SEMA4F: variants seen among roughly 807,000 people sequenced by gnomAD.
SEMA4F encodes the protein ssemaphorin 4F.
Under a neutral mutation model 78.4 loss-of-function variants are expected in SEMA4F, and 51 were observed. The ratio of observed to expected loss-of-function variants is 0.65; its 90% CI spans 0.52 to 0.82. SEMA4F has a LOEUF of 0.82. Ranked by LOEUF, SEMA4F falls within the 40% of genes least tolerant of loss-of-function variation. The pLI is 0.00. For synonymous variants in SEMA4F, 418 were observed against 408.7 expected (o/e 1.02, Z -0.27); for missense variants, 938 against 1,014.4 (o/e 0.92, Z 1.02).
At chr2:74,662,625 G>A (rs1207917919) in intron 4 of SEMA4F, 107 bp from the exon 5 acceptor site, 1 of 881,126 alleles carries the variant, frequency 1.1e-6, no homozygotes, top group African/African-American at 1.6e-5. Context: ...GGAGTGGAAG[G>A]GGAGAGGAAT....
In SEMA4F at chr2:74,668,832, G is replaced by A. The variant is rs957212875; in HGVS notation, c.551-4625G>A. On this transcript the variant is annotated intron_variant, in intron 5 of 13. Coordinates refer to ENST00000357877, the MANE Select transcript of SEMA4F (RefSeq NM_004263.5). ...TTTAGCAGAGACGGGGTTTTGCCTT[G>A]TTGGCCAGGCTGGTCTTGAACTCCT... Among the ~76,000 whole-genome samples, 3 of 146,644 alleles carry A rather than the reference G, an allele frequency of 2.0e-5. No homozygotes were observed. In the East Asian group the frequency reaches 6.0e-4, roughly 30 times the overall value.
chr2:74,662,912 A>T, intron 5 of SEMA4F, 87 bp downstream of exon 5: 1 of 1,154,304 alleles, frequency 8.7e-7, no homozygotes, highest in Non-Finnish European at 1.3e-6. Context: ...GTTCTTTCTT[A>T]CCTTGGAATG....
chr2:74,673,342 TG>T, intron 5 of SEMA4F, 114 bp from the exon 6 acceptor site: 1 of 1,260,116 alleles, frequency 7.9e-7, no homozygotes, highest in South Asian at 1.4e-5. Context: ...CTGGCACTCA[TG>T]GGTGTTTAGT....
the SEMA4F span, among the ~76,000 whole-genome samples, chr2:74,709,236 C>A: frequency 2.6e-5 from 4 of 152,174 alleles, no homozygotes; most frequent in Non-Finnish European, 5.9e-5. Flanking sequence ...AGAGAAATGA[C>A]ACCTTGCACA....
chr2:74,688,303 T>C (rs1685859509), downstream of SEMA4F, among the ~76,000 whole-genome samples: 1 of 152,208 alleles, frequency 6.6e-6, no homozygotes. Flanking sequence ...CCTTCACTCA[T>C]TGTTCATTTC....
chr2:74,674,926 C>T lies in SEMA4F; in HGVS notation c.1040C>T (p.Pro347Leu), dbSNP rs746103016. 7.4e-6 allele frequency: 12 copies of T among 1,613,894 alleles called. No individual in the cohort carries two copies. Among genetic ancestry groups the T allele is most frequent in the Non-Finnish European group, 1.0e-5 (12 of 1,180,022 alleles). The stretch of plus-strand genomic sequence containing the variant: ...ATCTCTGCTGTCTGTGCCTTCCGAC[C>T]ACAAGACATTCGGACAGTGCTGAAT... Reference protein sequence around the residue: ...ATISAVCAFRPQDIRTVLNGP... With the variant: ...ATISAVCAFRLQDIRTVLNGP... Residue 347 changes from proline to leucine, a missense_variant, in exon 9 of 14, where the codon CCA (proline) becomes CTA (leucine). Coordinates refer to ENST00000357877, the MANE Select transcript of SEMA4F (RefSeq NM_004263.5).
chr2:74,654,289 G>T lies in SEMA4F; in HGVS notation c.-88G>T, dbSNP rs1183477536. 3.8e-5 allele frequency: 51 copies of T among 1,347,450 alleles called. No individual in the cohort carries two copies. The highest frequency in any genetic ancestry group is 4.9e-5 in the Non-Finnish European group (51 of 1,050,352). 83.5% of individuals were successfully genotyped at this position (1,347,450 alleles called of 1,614,324 possible). On this transcript the variant is annotated 5_prime_UTR_variant, in exon 1 of 14. In the 5' UTR this introduces an upstream ATG that the reference lacks. Coordinates refer to ENST00000357877, the MANE Select transcript of SEMA4F (RefSeq NM_004263.5). ...CAGGCTGAGCCGGACCGAGCCGAGA[G>T]GACCCGAGTGGGGCCGAGGCCAGTA...
At chr2:74,656,409 C>G in intron 1 of SEMA4F, 125 bp from the exon 2 acceptor site, 1 of 850,636 alleles carries the variant, frequency 1.2e-6, no homozygotes, top group Non-Finnish European at 1.9e-6. Flanking sequence ...GGCTGTGTTT[C>G]TCCCCCATGG....
chr2:74,686,039 T>A (rs536941054), downstream of SEMA4F, among the ~76,000 whole-genome samples: 1 of 151,726 alleles, frequency 6.6e-6, no homozygotes, highest in Admixed American at 6.6e-5. Flanking sequence ...AGAATGGCGA[T>A]CATTAAAAAG....
the SEMA4F span, among the ~76,000 whole-genome samples, chr2:74,697,577 G>A: frequency 6.6e-6 from 1 of 152,096 alleles, no homozygotes; most frequent in Non-Finnish European, 1.5e-5. Flanking sequence ...TTGGGGTCTT[G>A]ATGAACTGGA....
rs1685595357 is a variant in SEMA4F, at chr2:74,681,215, A to C, written c.*1006A>C. On this transcript the variant is annotated 3_prime_UTR_variant, in exon 14 of 14. Transcript: ENST00000357877. ...GCAGTATAAAGATACGTTTGCAATCAGTGACTACTCAGGGTGACACCCTTG... is the reference window on the plus strand; with the variant it reads ...GCAGTATAAAGATACGTTTGCAATCCGTGACTACTCAGGGTGACACCCTTG... 1 of 152,668 alleles carries C rather than the reference A, an allele frequency of 6.6e-6. No individual in the cohort carries two copies. Among genetic ancestry groups the C allele is most frequent in the Admixed American group, 6.5e-5 (1 of 15,286 alleles). The allele number at this position is 152,668 out of a possible 1,614,324, so 9.5% of individuals were successfully genotyped here.
At chr2:74,701,824 T>A in the SEMA4F span, among the ~76,000 whole-genome samples, 1 of 152,146 alleles carries the variant, frequency 6.6e-6, no homozygotes, top group Non-Finnish European at 1.5e-5. Flanking sequence ...AGGTCTGGAG[T>A]ATGGCTTTAA....
chr2:74,668,907 G>T (rs1208976154), intron 5 of SEMA4F, among the ~76,000 whole-genome samples: 1 of 143,138 alleles, frequency 7.0e-6, no homozygotes, highest in Non-Finnish European at 1.5e-5. Flanking sequence ...TGGGATTACA[G>T]GCATGAGCCA....
chr2:74,674,474 C>T, intron 7 of SEMA4F, 24 bp from the exon 8 acceptor site: 7 of 1,590,878 alleles, frequency 4.4e-6, no homozygotes, highest in Non-Finnish European at 3.4e-6. Context: ...CTAAAGAGAA[C>T]CTCCCATGTG....
the SEMA4F span, among the ~76,000 whole-genome samples, chr2:74,701,020 C>T: frequency 6.6e-6 from 1 of 152,180 alleles, no homozygotes. Flanking sequence ...GGACACTTAG[C>T]CTTCAGTAGC....
Position 74,658,887 on chromosome 2 carries a change from G to A in SEMA4F, c.456+936G>A, listed in dbSNP as rs1309598463. On this transcript the variant is annotated intron_variant, in intron 4 of 13. Coordinates refer to ENST00000357877, the MANE Select transcript of SEMA4F (RefSeq NM_004263.5). The surrounding 1 kb of genome is among the most constrained non-coding windows in gnomAD (Gnocchi z 4.3). ...CTGTAGATCTTGTCTTGACTCTTCT[G>A]CAGTCCTCAGTAATCCCTGCCACCT... 2.6e-5 allele frequency among the ~76,000 whole-genome samples: 4 copies of A among 152,080 alleles called. No homozygotes were observed. In the East Asian group the frequency reaches 7.7e-4, roughly 29 times the overall value.
the SEMA4F span, among the ~76,000 whole-genome samples, chr2:74,690,647 A>G: frequency 6.6e-6 from 1 of 152,212 alleles, no homozygotes; most frequent in African/African-American, 2.4e-5. Flanking sequence ...CAATATGACT[A>G]TTTCTAATTT....
chr2:74,675,757 C>T lies in SEMA4F; in HGVS notation c.1491C>T (p.Leu497=), dbSNP rs764788475. 1.9e-5 allele frequency: 30 copies of T among 1,613,974 alleles called. No individual in the cohort carries two copies. In the South Asian group the frequency reaches 3.2e-4, roughly 17 times the overall value. ...CCACTCCGTTTTTATAGAGCTGGCT[C>T]CTGGTTGGCTCCCGTACTGAGGTGA... ...VENMKLYHSW[L]LVGSRTEVTQ... is the part of the protein sequence containing the mutation. Residue 497 remains leucine (L), a synonymous_variant, in exon 12 of 14, where the codon CTC becomes CTT. Coordinates refer to ENST00000357877, the MANE Select transcript of SEMA4F (RefSeq NM_004263.5).
rs373277680 is a variant in SEMA4F, at chr2:74,680,070, G to A, written c.2174G>A (p.Arg725Gln). The A allele has an allele frequency of 9.3e-6, 15 of 1,614,112 alleles. No homozygotes were observed. The highest frequency in any genetic ancestry group is 1.7e-4 in the Middle Eastern group (1 of 6,058). Residue 725 changes from arginine to glutamine, a missense_variant, in exon 14 of 14, where the codon CGG becomes CAG. Arg to Gln is a conservative substitution (Grantham distance 43, BLOSUM62 1). Transcript: ENST00000357877. ...DPPSPSPEDE[R>Q]LPLALAKRGS... ...CCCTCCCCCTCTCCTGAAGATGAGC[G>A]GTTGCCGCTGGCCCTGGCCAAGAGG...
Sources: allele counts gnomAD v4.1 joint callset (sites outside exome capture counted in the v4.1 genomes callset), GRCh38; gene constraint gnomAD v4.1.1; non-coding constraint Gnocchi (gnomAD v3.1); transcripts MANE v1.5; gene names NCBI Gene and HGNC (gene_info 2026-07-23, HGNC 2026-07-21).